EXOC2: variants seen among roughly 807,000 people sequenced by gnomAD.
The protein encoded by EXOC2 is exocyst complex component 2.
EXOC2 carries 70 observed loss-of-function variants against 131.8 expected under a neutral mutation model. The ratio of observed to expected loss-of-function variants is 0.53; its 90% CI spans 0.44 to 0.65. The LOEUF (loss-of-function observed/expected upper bound fraction) is 0.65. Ranked by LOEUF, EXOC2 falls within the 30% of genes least tolerant of loss-of-function variation. The pLI, the probability that EXOC2 is intolerant of heterozygous loss-of-function variation, is 0.00. For missense variants in EXOC2, 923 were observed against 1,108.6 expected (o/e 0.83, Z 2.38); for synonymous variants, 411 against 398.4 (o/e 1.03, Z -0.38).
intron 7 of EXOC2, among the ~76,000 whole-genome samples, chr6:605,225 G>C (rs1760336337): frequency 6.6e-6 from 1 of 152,150 alleles, no homozygotes; most frequent in Non-Finnish European, 1.5e-5. Context: ...CTATGACAGG[G>C]GCTGTGCAAG....
chr6:608,596 C>T (rs1004588368), intron 7 of EXOC2, among the ~76,000 whole-genome samples: 1 of 152,080 alleles, frequency 6.6e-6, no homozygotes, highest in African/African-American at 2.4e-5. Flanking sequence ...TGGAAAAAGG[C>T]AATTTTTAAT....
chr6:686,699 T>TC (rs1181774508), intron 1 of EXOC2, among the ~76,000 whole-genome samples: 1 of 152,174 alleles, frequency 6.6e-6, no homozygotes, highest in African/African-American at 2.4e-5. Context: ...TCTGCTTTAT[T>TC]CCCCCAGGAA....
intron 22 of EXOC2, among the ~76,000 whole-genome samples, chr6:537,645 G>A (rs193277257): frequency 6.6e-6 from 1 of 152,290 alleles, no homozygotes; most frequent in East Asian, 1.9e-4. Flanking sequence ...GAGACTTACA[G>A]GAATATTCAC....
intron 7 of EXOC2, among the ~76,000 whole-genome samples, chr6:608,910 T>C (rs1160271181): frequency 6.6e-6 from 1 of 152,238 alleles, no homozygotes; most frequent in Non-Finnish European, 1.5e-5. Context: ...TGTCTGACTA[T>C]GCTAATATAG....
chr6:551,820 T>C (rs1278502780), intron 21 of EXOC2, among the ~76,000 whole-genome samples: 3 of 152,158 alleles, frequency 2.0e-5, no homozygotes, highest in African/African-American at 7.2e-5. Flanking sequence ...CTCTCAGGAG[T>C]GCTGCTCTAT....
chr6:495,041 G>A lies in EXOC2; in HGVS notation c.2559+2326C>T, dbSNP rs939040601. On this transcript the variant is annotated intron_variant, in intron 25 of 27. Transcript: ENST00000230449. ...CCACAGGCACACAGCACCACACTTG[G>A]ATAATTAAAACAATTTTTTTTTTTT... 8.1e-5 allele frequency among the ~76,000 whole-genome samples: 11 copies of A among 136,330 alleles called. No individual in the cohort carries two copies. The Admixed American group carries it at 9.0e-4, about 11-fold the overall frequency. The allele number at this position is 136,330 out of a possible 152,430, so 89.4% of individuals were successfully genotyped here.
chr6:523,232 A>G lies in EXOC2; in HGVS notation c.2380+9237T>C, dbSNP rs540965467. 9.8e-5 allele frequency among the ~76,000 whole-genome samples: 15 copies of G among 152,334 alleles called. No homozygotes were observed. The East Asian group carries it at 2.9e-3, about 29-fold the overall frequency. ...AGTGCTACCAGTTTGGTGTCCTTCA[A>G]ATGGAGAACATTCAGGGCACACTCT... On this transcript the variant is annotated intron_variant, in intron 23 of 27. Transcript: ENST00000230449.
intron 1 of EXOC2, chr6:657,026 C>G: frequency 1.7e-6 from 2 of 1,202,338 alleles, no homozygotes; most frequent in Non-Finnish European, 1.1e-6. Context: ...GGGTCCGTGG[C>G]GCTGCCCTCC....
At chr6:620,013 TA>T (rs1413076752) in intron 4 of EXOC2, among the ~76,000 whole-genome samples, 1 of 152,234 alleles carries the variant, frequency 6.6e-6, no homozygotes, top group Admixed American at 6.5e-5. Flanking sequence ...ATCATCAAAG[TA>T]CTAATAAAAC....
chr6:591,902 T>G (rs780591844), intron 11 of EXOC2, among the ~76,000 whole-genome samples: 7 of 152,220 alleles, frequency 4.6e-5, no homozygotes, highest in African/African-American at 7.2e-5. Flanking sequence ...AGATGGCTAG[T>G]AAGCTACCTT....
chr6:497,938 A>G (rs1390959047), intron 24 of EXOC2, among the ~76,000 whole-genome samples: 1 of 152,194 alleles, frequency 6.6e-6, no homozygotes, highest in Non-Finnish European at 1.5e-5. Flanking sequence ...GTATTGGAGA[A>G]CAAGCCCCCC....
intron 6 of EXOC2, among the ~76,000 whole-genome samples, chr6:616,404 C>T (rs1308336771): frequency 6.6e-6 from 1 of 151,780 alleles, no homozygotes. Context: ...GAGATCGAGA[C>T]CATCCTGGCT....
chr6:533,607 C>A (rs761730160), intron 22 of EXOC2, among the ~76,000 whole-genome samples: 2 of 152,142 alleles, frequency 1.3e-5, no homozygotes, highest in Non-Finnish European at 2.9e-5. Context: ...TGTGGGGGCT[C>A]CCGATGGGAG....
chr6:682,201 T>TTC (rs200852862), intron 1 of EXOC2, among the ~76,000 whole-genome samples: 7,882 of 139,028 alleles, frequency 0.057, 397 homozygotes, highest in African/African-American at 0.15. Context: ...CCCAGTTTCT[T>TTC]TTTTTTTTTT....
chr6:662,550 T>C (rs1190087321), intron 1 of EXOC2, among the ~76,000 whole-genome samples: 1 of 152,156 alleles, frequency 6.6e-6, no homozygotes, highest in African/African-American at 2.4e-5. Flanking sequence ...TGCTCCCAAA[T>C]GAGCATTGGG....
rs1163904769 is a variant in EXOC2 at position 666,027 on chromosome 6, C to T, written c.-44+26992G>A. On this transcript the variant is annotated intron_variant, in intron 1 of 27. Coordinates refer to ENST00000230449, the MANE Select transcript of EXOC2 (RefSeq NM_018303.6). ...ATAAAGTTTTATCAGAACACAGCCACATTCATTTGATTCCATGTCATCTAA... is the reference window on the plus strand; with the variant it reads ...ATAAAGTTTTATCAGAACACAGCCATATTCATTTGATTCCATGTCATCTAA... Among the ~76,000 whole-genome samples the T allele has an allele frequency of 7.2e-5, 11 of 152,228 alleles. 1 individual carries two copies. The highest frequency in any genetic ancestry group is 6.5e-4 in the Admixed American group (10 of 15,284).
chr6:584,395 T>C (rs765859784), intron 11 of EXOC2, among the ~76,000 whole-genome samples: 2 of 152,244 alleles, frequency 1.3e-5, no homozygotes, highest in Non-Finnish European at 2.9e-5. Flanking sequence ...TTCAAAATCA[T>C]AAATTGTAAT....
At chr6:488,206 C>G (rs905282483) in intron 27 of EXOC2, among the ~76,000 whole-genome samples, 3 of 152,224 alleles carry the variant, frequency 2.0e-5, no homozygotes, top group African/African-American at 7.2e-5. Context: ...AGCTCCCCCC[C>G]ATGGCCCAGC....
chr6:530,891 A>G (rs1166652255), intron 23 of EXOC2, among the ~76,000 whole-genome samples: 2 of 152,234 alleles, frequency 1.3e-5, no homozygotes, highest in African/African-American at 4.8e-5. Context: ...GACTCCCTAA[A>G]TGATACAGTT....
Sources: gnomAD v4.1 joint callset for allele counts (sites outside exome capture counted in the v4.1 genomes callset) on GRCh38, gnomAD v4.1.1 for gene constraint, MANE v1.5 for transcripts, NCBI Gene and HGNC (gene_info 2026-07-23, HGNC 2026-07-21) for gene names.